The following DDX25 variants were observed in gnomAD, a reference collection of about 807,000 sequenced individuals.
The protein encoded by DDX25 is ATP-dependent RNA helicase DDX25.
Under a neutral mutation model 64.6 loss-of-function variants are expected in DDX25, and 70 were observed. The observed-to-expected ratio is 1.08, with a 90% CI of 0.89 to 1.32. The LOEUF is 1.32. Ranked by LOEUF, DDX25 falls within the 40% of genes most tolerant of loss-of-function variation. The pLI is 0.00. For missense variants in DDX25, 587 were observed against 604.4 expected (o/e 0.97, Z 0.30); for synonymous variants, 211 against 213.3 (o/e 0.99, Z 0.09).
intron 7 of DDX25, 52 bp from the exon 8 acceptor site, chr11:125,911,259 C>G: frequency 6.5e-7 from 1 of 1,527,852 alleles, no homozygotes; most frequent in Non-Finnish European, 8.8e-7. Flanking sequence ...GAACTGTGAC[C>G]TGTTGGAGTT....
chr11:125,917,703 A>G (rs1945056918), intron 9 of DDX25, among the ~76,000 whole-genome samples: 1 of 151,870 alleles, frequency 6.6e-6, no homozygotes. Flanking sequence ...TCTCTCATTC[A>G]CTCCCATATC....
In DDX25 at chr11:125,910,497, G is replaced by A; in HGVS notation, c.622+19G>A. 1 of 1,609,318 alleles carries A rather than the reference G, an allele frequency of 6.2e-7. No homozygotes were observed. The highest frequency in any genetic ancestry group is 1.1e-5 in the South Asian group (1 of 90,698). On this transcript the variant is annotated intron_variant, in intron 7 of 11. Coordinates refer to ENST00000263576, the MANE Select transcript of DDX25 (RefSeq NM_013264.5). Reference sequence around the variant, plus strand: ...AATCGAAGTATGTACCAGTAAGCCAGTCCTGGCTGATTTTTCAAATCCTGG... The same window carrying A: ...AATCGAAGTATGTACCAGTAAGCCAATCCTGGCTGATTTTTCAAATCCTGG...
At position 125,922,888 on chromosome 11, in the gene DDX25, A is replaced by C. The variant is rs749541815; in HGVS notation, c.*7A>C. 1.9e-6 allele frequency: 3 copies of C among 1,602,430 alleles called. No homozygotes were observed. The highest frequency in any genetic ancestry group is 1.7e-6 in the Non-Finnish European group (2 of 1,173,442). ...TGAAAAGATTGACTATTGAAGAAAG[A>C]ACTTTATTGTTTGTGCAGTATCCTA... On this transcript the variant is annotated 3_prime_UTR_variant, in exon 12 of 12. Transcript: ENST00000263576.
chr11:125,906,321 A>ATT (rs34692223), intron 4 of DDX25, 112 bp downstream of exon 4: 713,480 of 1,060,340 alleles, frequency 0.67, 205,679 homozygotes, highest in Admixed American at 0.77. Context: ...GATATTCAAT[A>ATT]TTTTTTTTTG....
chr11:125,920,877 T>C (rs947972136), intron 10 of DDX25: 8 of 240,694 alleles, frequency 3.3e-5, no homozygotes, highest in Non-Finnish European at 5.7e-5. Flanking sequence ...AGAGGGTGGC[T>C]CTGTGGGCTT....
Position 125,904,580 on chromosome 11 carries a change from C to T in DDX25, c.63C>T (p.His21=), listed in dbSNP as rs1361354832. The T allele has an allele frequency of 6.7e-7, 1 of 1,486,676 alleles. No individual in the cohort carries two copies. The highest frequency in any genetic ancestry group is 1.3e-5 in the South Asian group (1 of 76,280). 92.1% of individuals were successfully genotyped at this position (1,486,676 alleles called of 1,614,324 possible). ...CGGAGAGCGAGCGGCTGAACAGCCA[C>T]GTAACCGCCACCGAGCCGGGGGGCC... The part of the protein sequence containing the change: ...GAAESERLNS[H]FSNLSQPRKN... Residue 21 remains histidine (H), a splice_region_variant and synonymous_variant, in exon 1 of 12, where the codon CAC becomes CAT. Coordinates refer to ENST00000263576, the MANE Select transcript of DDX25 (RefSeq NM_013264.5).
chr11:125,908,264 CT>C lies in DDX25; in HGVS notation c.381del (p.Leu128SerfsTer3), dbSNP rs908902743. 1.9e-6 allele frequency: 3 copies of C among 1,613,632 alleles called. No individual in the cohort carries two copies. In the African/African-American group the frequency reaches 4.0e-5, roughly 22 times the overall value. ...FNRPSKIQEM[A>X]LPMMLAHPPQ... The stretch of plus-strand genomic sequence containing the variant: ...AGGCCATCTAAAATCCAAGAGATGG[CT>C]CTCCCTATGATGCTGGCACATCCGT... On this transcript the variant is annotated frameshift_variant, in exon 5 of 12. Transcript: ENST00000263576. LOFTEE classifies it high-confidence loss of function.
At chr11:125,904,643 A>C in intron 1 of DDX25, 63 bp downstream of exon 1, 7 of 1,414,856 alleles carry the variant, frequency 4.9e-6, no homozygotes, top group Non-Finnish European at 5.6e-6. Context: ...GCAGAGGGAG[A>C]TCGGCTGGGA....
intron 4 of DDX25, among the ~76,000 whole-genome samples, chr11:125,907,422 C>A (rs1032349228): frequency 7.9e-5 from 12 of 152,228 alleles, no homozygotes; most frequent in East Asian, 3.9e-4. Context: ...TCCTGGCTAA[C>A]ACAGTGAAAC....
In DDX25 at chr11:125,909,584, G is replaced by A. The variant is rs146931614; in HGVS notation, c.508-780G>A. ...TATTATGTTATATATATCATATTAT[G>A]TATTGTAAAGATATAGATAATATAA... On this transcript the variant is annotated intron_variant, in intron 6 of 11. Coordinates refer to ENST00000263576, the MANE Select transcript of DDX25 (RefSeq NM_013264.5). 1.3e-3 allele frequency among the ~76,000 whole-genome samples: 199 copies of A among 151,296 alleles called. 1 individual carries two copies. The highest frequency in any genetic ancestry group is 4.7e-3 in the African/African-American group (192 of 41,236).
chr11:125,915,619 C>T (rs1945027329), intron 8 of DDX25, among the ~76,000 whole-genome samples: 1 of 152,224 alleles, frequency 6.6e-6, no homozygotes, highest in African/African-American at 2.4e-5. Flanking sequence ...GATATAAATC[C>T]TTGTGCCATC....
upstream of DDX25, among the ~76,000 whole-genome samples, chr11:125,903,790 A>C (rs1944833684): frequency 6.6e-6 from 1 of 152,096 alleles, no homozygotes; most frequent in African/African-American, 2.4e-5. Flanking sequence ...TTTCGTCCAA[A>C]TTGAGCGGTC....
At chr11:125,917,348 G>C (rs1945053099) in intron 9 of DDX25, 97 bp downstream of exon 9, 2 of 1,146,024 alleles carry the variant, frequency 1.7e-6, no homozygotes, top group African/African-American at 3.1e-5. Context: ...ACCATGTTCA[G>C]CACTTCTTGT....
chr11:125,906,237 G>GA (rs1314982095), intron 4 of DDX25, 28 bp downstream of exon 4: 25 of 1,515,206 alleles, frequency 1.6e-5, no homozygotes, highest in Non-Finnish European at 2.1e-5. Context: ...TTTAATATGG[G>GA]AAAAATGCTG....
At position 125,926,026 on chromosome 11, in the gene DDX25, G is replaced by C. The variant is rs1249604469; in HGVS notation, c.*3145G>C. On this transcript the variant is annotated 3_prime_UTR_variant, in exon 12 of 12. Transcript: ENST00000263576. ...TACCTTTCCAGACAGCAGAGAGAGA[G>C]AGGCTGGTTTTGTCAAGCCTTGGCT... 6.5e-6 allele frequency: 1 copy of C among 152,852 alleles called. No individual in the cohort carries two copies. Among genetic ancestry groups the C allele is most frequent in the Non-Finnish European group, 1.5e-5 (1 of 68,590 alleles). 9.5% of individuals were successfully genotyped at this position (152,852 alleles called of 1,614,324 possible). A position where few individuals can be genotyped will look rare whatever the true frequency, so the allele number is the denominator to read the frequency against.
chr11:125,909,799 G>A (rs969136628), intron 6 of DDX25, among the ~76,000 whole-genome samples: 2 of 151,864 alleles, frequency 1.3e-5, no homozygotes, highest in Admixed American at 6.6e-5. Flanking sequence ...ACAGGCACCC[G>A]CCATCACGCC....
rs1010579931 is a variant in DDX25 at position 125,923,598 on chromosome 11, A to G, written c.*717A>G. On this transcript the variant is annotated 3_prime_UTR_variant, in exon 12 of 12. Transcript: ENST00000263576. ...GGGAGGGTAAAAAAAAAACCCACAT[A>G]CCCTATTAAAGAAGTAACATTTTAG... is the stretch of plus-strand genomic sequence containing the variant. 3.9e-5 allele frequency: 6 copies of G among 151,918 alleles called. No homozygotes were observed. The highest frequency in any genetic ancestry group is 1.2e-4 in the African/African-American group (5 of 41,358). 9.4% of individuals were successfully genotyped at this position (151,918 alleles called of 1,614,324 possible). A position where few individuals can be genotyped will look rare whatever the true frequency, so the allele number is the denominator to read the frequency against.
In DDX25 at chr11:125,905,202, C is replaced by T; in HGVS notation, c.64-10C>T. On this transcript the variant is annotated splice_polypyrimidine_tract_variant and intron_variant, in intron 1 of 11. Transcript: ENST00000263576. ...TCCTAATATTGGTTGAAATTTGTGTCTCTCAATAGTTTTCAAACCTCAGCC... is the reference window on the plus strand; with the variant it reads ...TCCTAATATTGGTTGAAATTTGTGTTTCTCAATAGTTTTCAAACCTCAGCC... 6.4e-7 allele frequency: 1 copy of T among 1,551,224 alleles called. No individual in the cohort carries two copies. The highest frequency in any genetic ancestry group is 2.4e-5 in the East Asian group (1 of 40,918).
Position 125,906,343 on chromosome 11 carries a change from A to G in DDX25, c.311+134A>G, listed in dbSNP as rs187985735. On this transcript the variant is annotated intron_variant, in intron 4 of 11. Coordinates refer to ENST00000263576, the MANE Select transcript of DDX25 (RefSeq NM_013264.5). The stretch of plus-strand genomic sequence containing the variant: ...AATATTTTTTTTTGTTATTTGAGAC[A>G]GAGTCTCACTCTGTCCCCCAGGCTG... 2,156 of 1,178,538 alleles carry G rather than the reference A, an allele frequency of 1.8e-3. 32 individuals are homozygous for G. In the African/African-American group the frequency reaches 0.03, roughly 16 times the overall value. The allele number at this position is 1,178,538 out of a possible 1,614,324, so 73.0% of individuals were successfully genotyped here.
Sources: allele counts gnomAD v4.1 joint callset (sites outside exome capture counted in the v4.1 genomes callset), GRCh38; gene constraint gnomAD v4.1.1; transcripts MANE v1.5; gene names NCBI Gene and HGNC (gene_info 2026-07-23, HGNC 2026-07-21).